The following FIRRM variants were observed in gnomAD, a reference collection of about 807,000 sequenced individuals.
FIRRM encodes the protein FIGNL1 interacting regulator of recombination and mitosis.
At chr1:169,792,450 A>G in the FIRRM span, 72,923 of 868,244 alleles carry the variant, frequency 0.084, 3,408 homozygotes, top group Middle Eastern at 0.099. Context: ...GCTCACTTAC[A>G]ATTTGGATAA....
the FIRRM span, among the ~76,000 whole-genome samples, chr1:169,838,592 C>T: frequency 5.3e-5 from 8 of 152,224 alleles, no homozygotes; most frequent in Admixed American, 2.0e-4. Flanking sequence ...TGGGCTTAAG[C>T]GATTATCCTG....
At chr1:169,830,477 C>A in the FIRRM span, 1 of 887,264 alleles carries the variant, frequency 1.1e-6, no homozygotes, top group Non-Finnish European at 1.7e-6. Flanking sequence ...GCTTTGATTT[C>A]ATATTACAGC....
chr1:169,795,607 T>G, the FIRRM span: 2 of 1,005,240 alleles, frequency 2.0e-6, no homozygotes, highest in South Asian at 8.5e-5. Context: ...CTTAATAGTT[T>G]GAGGTAAAGC....
At chr1:169,829,299 G>A in the FIRRM span, 1 of 1,602,710 alleles carries the variant, frequency 6.2e-7, no homozygotes, top group South Asian at 1.1e-5. Flanking sequence ...ACAGTTTTGA[G>A]CAGTGTTCTG....
At chr1:169,837,021 A>T in the FIRRM span, 2 of 1,613,962 alleles carry the variant, frequency 1.2e-6, no homozygotes, top group Non-Finnish European at 1.7e-6. Flanking sequence ...GAGCTTAGGG[A>T]ACAAACTGTC....
chr1:169,851,045 C>CTTTTTTTT, the FIRRM span: 11 of 17,306 alleles, frequency 6.4e-4, 2 homozygotes, highest in Non-Finnish European at 8.3e-4. Flanking sequence ...GCTCAGGGCC[C>CTTTTTTTT]TTTTTTTTTT....
chr1:169,802,485 G>A, the FIRRM span: 1 of 542,034 alleles, frequency 1.8e-6, no homozygotes, highest in East Asian at 3.1e-5. Context: ...AGGTACAATT[G>A]TTAAGCTAGA....
At chr1:169,810,075 T>G in the FIRRM span, among the ~76,000 whole-genome samples, 1 of 152,172 alleles carries the variant, frequency 6.6e-6, no homozygotes, top group Non-Finnish European at 1.5e-5. Context: ...CCTCACTTAG[T>G]GCAAGGGGCA....
At chr1:169,806,216 T>A in the FIRRM span, 1 of 611,066 alleles carries the variant, frequency 1.6e-6, no homozygotes. Flanking sequence ...GACACTGCTG[T>A]CTGATAATCC....
chr1:169,821,670 T>G, the FIRRM span: 15 of 1,560,302 alleles, frequency 9.6e-6, no homozygotes, highest in Non-Finnish European at 1.3e-5. Flanking sequence ...ATTTCCCTTT[T>G]TGGATCAGGA....
the FIRRM span, chr1:169,852,834 G>GT: frequency 3.1e-6 from 5 of 1,614,116 alleles, no homozygotes; most frequent in Non-Finnish European, 3.4e-6. Flanking sequence ...GGGAAGAAGA[G>GT]TACAGGTCAG....
the FIRRM span, chr1:169,850,035 C>T: frequency 3.0e-3 from 1,660 of 546,320 alleles, 27 homozygotes; most frequent in East Asian, 0.041. Flanking sequence ...AGTCCAGAAG[C>T]ATTAGTATGA....
chr1:169,820,425 A>G, the FIRRM span, among the ~76,000 whole-genome samples: 2 of 152,188 alleles, frequency 1.3e-5, no homozygotes, highest in Non-Finnish European at 2.9e-5. Flanking sequence ...CCTGTCACCC[A>G]CAGCCGTCAG....
the FIRRM span, chr1:169,851,971 C>T: frequency 2.5e-6 from 4 of 1,613,714 alleles, no homozygotes; most frequent in Non-Finnish European, 3.4e-6. Flanking sequence ...CAAACTTTAA[C>T]AAGGCAAATT....
chr1:169,806,296 A>G, the FIRRM span, among the ~76,000 whole-genome samples: 5 of 152,334 alleles, frequency 3.3e-5, no homozygotes, highest in Middle Eastern at 3.4e-3. Flanking sequence ...ATTAAAAAAA[A>G]TGTTCTTCCT....
the FIRRM span, chr1:169,853,093 G>A: frequency 2.9e-6 from 3 of 1,035,948 alleles, no homozygotes; most frequent in African/African-American, 1.6e-5. Flanking sequence ...GTTGAATCTA[G>A]TGAAAATAAT....
At chr1:169,846,669 GCT>G in the FIRRM span, among the ~76,000 whole-genome samples, 1 of 152,130 alleles carries the variant, frequency 6.6e-6, no homozygotes, top group Admixed American at 6.6e-5. Flanking sequence ...AGCTTTTTCA[GCT>G]CTCAGCTTTC....
the FIRRM span, chr1:169,804,325 T>G: frequency 4.9e-6 from 5 of 1,012,320 alleles, no homozygotes; most frequent in South Asian, 2.0e-4. Flanking sequence ...TCATGTTATT[T>G]TCTTACTAAT....
At chr1:169,845,917 T>C in the FIRRM span, among the ~76,000 whole-genome samples, 1 of 152,336 alleles carries the variant, frequency 6.6e-6, no homozygotes, top group East Asian at 1.9e-4. Context: ...TGATGACTCC[T>C]TCCCAGAAGG....
Sources: allele counts gnomAD v4.1 joint callset (sites outside exome capture counted in the v4.1 genomes callset), GRCh38; gene constraint gnomAD v4.1.1; transcripts MANE v1.5; gene names NCBI Gene and HGNC (gene_info 2026-07-23, HGNC 2026-07-21).